Variants in TNFRSF11A observed in about 807,000 individuals in gnomAD.
TNFRSF11A encodes the protein tumor necrosis factor receptor superfamily member 11A.
In TNFRSF11A, 32 loss-of-function variants were observed where a neutral mutation model predicts 55.7. The observed-to-expected ratio is 0.57, with a 90% CI of 0.43 to 0.77. The LOEUF is 0.77. TNFRSF11A is among the 30% of genes least tolerant of loss of function. The pLI is 0.00. For missense variants in TNFRSF11A, 753 were observed against 809.8 expected, an observed-to-expected ratio of 0.93 and a Z score of 0.85; for synonymous variants, 311 against 331.0, an observed-to-expected ratio of 0.94 and a Z score of 0.65.
Position 62,341,836 on chromosome 18 carries a change from C to CTTTTT in TNFRSF11A, c.76-6314_76-6310dup, listed in dbSNP as rs34047775. Among the ~76,000 whole-genome samples the CTTTTT allele has an allele frequency of 7.3e-4, 62 of 85,192 alleles. 1 individual carries two copies. Among genetic ancestry groups the CTTTTT allele is most frequent in the African/African-American group, 1.2e-3 (26 of 21,146 alleles). The allele number at this position is 85,192 out of a possible 152,430, so 55.9% of individuals were successfully genotyped here. On this transcript the variant is annotated intron_variant, in intron 1 of 9. Coordinates refer to ENST00000586569, the MANE Select transcript of TNFRSF11A (RefSeq NM_003839.4). ...GTGAGGAGACTCAGGCTGAGAATGG[C>CTTTTT]TTTTTTTTTTTTTTTTTTTTTTGGT...
chr18:62,339,861 G>A (rs1008957551), intron 1 of TNFRSF11A, among the ~76,000 whole-genome samples: 2 of 152,164 alleles, frequency 1.3e-5, no homozygotes, highest in Admixed American at 1.3e-4. Flanking sequence ...TCTTTGCGGG[G>A]AACAGTATGT....
At chr18:62,355,724 ACTT>A (rs56228883) in intron 4 of TNFRSF11A, among the ~76,000 whole-genome samples, 30,043 of 152,202 alleles carry the variant, frequency 0.2, 3,788 homozygotes, top group Non-Finnish European at 0.27. Flanking sequence ...AAAAGTAAAA[ACTT>A]CTGACCTCCA....
rs542086686 is a variant in TNFRSF11A at position 62,350,107 on chromosome 18, A to G, written c.283+170A>G. 2.0e-5 allele frequency among the ~76,000 whole-genome samples: 3 copies of G among 152,310 alleles called. No homozygotes were observed. The East Asian group carries it at 5.8e-4, about 29-fold the overall frequency. On this transcript the variant is annotated intron_variant, in intron 3 of 9. Transcript: ENST00000586569. The stretch of plus-strand genomic sequence containing the variant: ...GTTTTAGATCCCCAAGGCCTCTGTT[A>G]AAATTCTTCATTTAGAACATTTGTT...
chr18:62,330,388 AC>A (rs1222403504), intron 1 of TNFRSF11A, among the ~76,000 whole-genome samples: 1 of 152,200 alleles, frequency 6.6e-6, no homozygotes, highest in Admixed American at 6.5e-5. Flanking sequence ...TTCCAGAATG[AC>A]CAGTGCTTTG....
chr18:62,380,922 C>G (rs1911242303), intron 9 of TNFRSF11A, among the ~76,000 whole-genome samples: 1 of 151,896 alleles, frequency 6.6e-6, no homozygotes, highest in African/African-American at 2.4e-5. Flanking sequence ...CCCACCTCAG[C>G]CTCCCAAGTA....
In TNFRSF11A at chr18:62,386,167, A is replaced by C. The variant is rs1911718114; in HGVS notation, c.*1133A>C. 1 of 152,174 alleles carries C rather than the reference A, an allele frequency of 6.6e-6. No individual in the cohort carries two copies. The highest frequency in any genetic ancestry group is 6.5e-5 in the Admixed American group (1 of 15,280). 9.4% of individuals were successfully genotyped at this position (152,174 alleles called of 1,614,324 possible). On this transcript the variant is annotated 3_prime_UTR_variant, in exon 10 of 10. Coordinates refer to ENST00000586569, the MANE Select transcript of TNFRSF11A (RefSeq NM_003839.4). ...GTTGCTGCAGCTTGGCATTCTTCTT[A>C]TTCTAGAGGTCTCTCTGGAAAAGAT...
intron 1 of TNFRSF11A, among the ~76,000 whole-genome samples, chr18:62,338,774 A>G (rs1258415709): frequency 6.6e-6 from 1 of 151,954 alleles, no homozygotes; most frequent in African/African-American, 2.4e-5. Context: ...CCCCTGAATC[A>G]TACTTTAAAA....
intron 1 of TNFRSF11A, among the ~76,000 whole-genome samples, chr18:62,333,444 C>T (rs2046185079): frequency 6.6e-6 from 1 of 152,216 alleles, no homozygotes; most frequent in Admixed American, 6.5e-5. Flanking sequence ...AAGGTTTGCA[C>T]TCAGCTCTGA....
Position 62,385,190 on chromosome 18 carries a change from C to G in TNFRSF11A, c.*156C>G. On this transcript the variant is annotated 3_prime_UTR_variant, in exon 10 of 10. Transcript: ENST00000586569. Reference sequence around the variant, plus strand: ...CCCACTTTGCCTTCCAGGAAATGGGCTTTTCAGGAAGTGAATTGATGAGGA... The same window carrying G: ...CCCACTTTGCCTTCCAGGAAATGGGGTTTTCAGGAAGTGAATTGATGAGGA... The G allele has an allele frequency of 1.1e-6, 1 of 885,418 alleles. No homozygotes were observed. The highest frequency in any genetic ancestry group is 4.1e-5 in the Admixed American group (1 of 24,226). The allele number at this position is 885,418 out of a possible 1,614,324, so 54.8% of individuals were successfully genotyped here.
intron 6 of TNFRSF11A, among the ~76,000 whole-genome samples, chr18:62,360,744 G>A (rs926815992): frequency 9.9e-5 from 15 of 152,190 alleles, no homozygotes; most frequent in Non-Finnish European, 7.3e-5. Flanking sequence ...ACTGTGCCCA[G>A]CCACATTAAA....
intron 4 of TNFRSF11A, among the ~76,000 whole-genome samples, chr18:62,354,966 G>A (rs1909148759): frequency 6.6e-6 from 1 of 152,210 alleles, no homozygotes; most frequent in Non-Finnish European, 1.5e-5. Flanking sequence ...TTACAAGTTT[G>A]AAGAACTGAT....
intron 9 of TNFRSF11A, among the ~76,000 whole-genome samples, chr18:62,373,371 A>G (rs2145368488): frequency 6.6e-6 from 1 of 152,202 alleles, no homozygotes; most frequent in Non-Finnish European, 1.5e-5. Flanking sequence ...AGGCAGGAGA[A>G]TTGCTTGAGT....
Position 62,338,329 on chromosome 18 carries a change from A to G in TNFRSF11A, c.76-9839A>G, listed in dbSNP as rs369858658. Among the ~76,000 whole-genome samples, 8 of 152,336 alleles carry G rather than the reference A, an allele frequency of 5.3e-5. No individual in the cohort carries two copies. The East Asian group carries it at 1.5e-3, about 29-fold the overall frequency. On this transcript the variant is annotated intron_variant, in intron 1 of 9. Coordinates refer to ENST00000586569, the MANE Select transcript of TNFRSF11A (RefSeq NM_003839.4). ...ACTTAGGATTCCTAGGTATAGACCA[A>G]AAAGAACTGAAAACAGGGATTCAGA...
chr18:62,366,824 C>T, intron 8 of TNFRSF11A, 64 bp downstream of exon 8: 2 of 1,543,968 alleles, frequency 1.3e-6, no homozygotes, highest in Non-Finnish European at 1.8e-6. Context: ...GTAGAGCCAT[C>T]CTAGTCACAT....
At chr18:62,381,723 C>A (rs948771671) in intron 9 of TNFRSF11A, among the ~76,000 whole-genome samples, 1 of 152,190 alleles carries the variant, frequency 6.6e-6, no homozygotes, top group Non-Finnish European at 1.5e-5. Context: ...AATCATACGA[C>A]TAAGCAACTT....
chr18:62,354,538 C>G lies in TNFRSF11A; in HGVS notation c.427+4C>G. The G allele has an allele frequency of 1.2e-6, 2 of 1,602,590 alleles. No homozygotes were observed. The highest frequency in any genetic ancestry group is 1.7e-6 in the Non-Finnish European group (2 of 1,179,466). On this transcript the variant is annotated splice_donor_region_variant and intron_variant, in intron 4 of 9. Transcript: ENST00000586569. ...GGCCTGGGCGCCCAGCACCCGTGTA[C>G]GGGTTGGATGTGTGCGTCTGTCGGC...
Position 62,369,208 on chromosome 18 carries a change from T to A in TNFRSF11A, c.1291T>A (p.Cys431Ser), listed in dbSNP as rs1203836050. The change falls in exon 9 of 10, where the codon TGC (cysteine) becomes AGC (serine). Residue 431 changes from cysteine to serine, a missense_variant. Around this residue, in one of 3 missense-constraint regions of TNFRSF11A, gnomAD observed 567 missense variants for 596.7 expected, o/e 0.95. Transcript: ENST00000586569. ...GCAAAAAGAGGTGGACAGTGGCCAT[T>A]GCCCGCACTGGGCAGCCAGCCCCAG... ...YLQKEVDSGHCPHWAASPSPN... is the reference protein window; with the variant it reads ...YLQKEVDSGHSPHWAASPSPN... 3.7e-6 allele frequency: 6 copies of A among 1,613,968 alleles called. No homozygotes were observed. The East Asian group carries it at 8.9e-5, about 24-fold the overall frequency.
chr18:62,343,077 G>C (rs1033034381), intron 1 of TNFRSF11A, among the ~76,000 whole-genome samples: 9 of 152,162 alleles, frequency 5.9e-5, no homozygotes, highest in Admixed American at 2.0e-4. Flanking sequence ...CAGGACAGCA[G>C]GGCTGTTAAG....
chr18:62,364,006 G>A (rs1909891715), intron 7 of TNFRSF11A, among the ~76,000 whole-genome samples: 1 of 152,196 alleles, frequency 6.6e-6, no homozygotes, highest in Non-Finnish European at 1.5e-5. Flanking sequence ...GACACAGCCA[G>A]TGCCCTCCTG....
Sources: allele counts gnomAD v4.1 joint callset (sites outside exome capture counted in the v4.1 genomes callset), GRCh38; gene constraint gnomAD v4.1.1; regional missense constraint gnomAD v4.1.1; transcripts MANE v1.5; gene names NCBI Gene and HGNC (gene_info 2026-07-23, HGNC 2026-07-21).